Variants in ASIC2 observed in about 807,000 individuals in gnomAD.
ASIC2 encodes acid sensing ion channel subunit 2.
In ASIC2, 25 loss-of-function variants were observed where a neutral mutation model predicts 57.3. That is an observed-to-expected ratio of 0.44 (90% CI 0.32 to 0.61). ASIC2 has a LOEUF of 0.61. ASIC2 is among the 20% of genes least tolerant of loss of function. ASIC2 has a pLI of 0.06. For synonymous variants in ASIC2, 319 were observed against 307.5 expected (o/e 1.04, Z -0.39); for missense variants, 641 against 738.1 (o/e 0.87, Z 1.52).
At chr17:34,026,799 G>A (rs1907395210) in intron 1 of ASIC2, among the ~76,000 whole-genome samples, 1 of 152,146 alleles carries the variant, frequency 6.6e-6, no homozygotes, top group Non-Finnish European at 1.5e-5. Flanking sequence ...ACCTATTCAA[G>A]GCATACACTG....
intron 1 of ASIC2, among the ~76,000 whole-genome samples, chr17:33,396,101 G>T (rs1229765125): frequency 6.6e-6 from 1 of 152,156 alleles, no homozygotes; most frequent in Non-Finnish European, 1.5e-5. Flanking sequence ...CATAACCAGA[G>T]AAACTTAAAA....
intron 1 of ASIC2, among the ~76,000 whole-genome samples, chr17:33,584,032 C>T (rs1904532704): frequency 6.6e-6 from 1 of 152,090 alleles, no homozygotes; most frequent in African/African-American, 2.4e-5. Context: ...CTTTCCTGTG[C>T]CCTAGCCTTG....
chr17:33,811,524 G>A (rs1043247257), intron 1 of ASIC2, among the ~76,000 whole-genome samples: 6 of 152,122 alleles, frequency 3.9e-5, no homozygotes, highest in African/African-American at 4.8e-5. Flanking sequence ...CATGAATGCC[G>A]AGGACTTGCT....
intron 1 of ASIC2, among the ~76,000 whole-genome samples, chr17:33,755,142 G>A (rs1423469254): frequency 6.6e-6 from 1 of 152,038 alleles, no homozygotes; most frequent in Admixed American, 6.6e-5. Flanking sequence ...AGGAAGGCAG[G>A]GGGACATTTG....
intron 1 of ASIC2, chr17:34,038,791 T>C: frequency 6.2e-7 from 1 of 1,611,884 alleles, no homozygotes. Flanking sequence ...TTTTCCACTG[T>C]TTCTGCTCAT....
chr17:33,980,381 T>C (rs544492982), intron 1 of ASIC2, among the ~76,000 whole-genome samples: 1 of 152,224 alleles, frequency 6.6e-6, no homozygotes, highest in Non-Finnish European at 1.5e-5. Flanking sequence ...CAGATGAGCT[T>C]AGACACTTAG....
intron 1 of ASIC2, among the ~76,000 whole-genome samples, chr17:34,015,379 A>G (rs562409310): frequency 1.3e-5 from 2 of 152,334 alleles, no homozygotes; most frequent in South Asian, 4.1e-4. Flanking sequence ...TGAATTCCAC[A>G]GGAAATGCAA....
At chr17:33,265,613 T>C (rs1216221694) in intron 1 of ASIC2, among the ~76,000 whole-genome samples, 1 of 152,128 alleles carries the variant, frequency 6.6e-6, no homozygotes, top group Non-Finnish European at 1.5e-5. Flanking sequence ...GGCACATATT[T>C]ACCTATGTAA....
chr17:33,197,868 T>G (rs910619941), intron 1 of ASIC2, among the ~76,000 whole-genome samples: 2 of 152,176 alleles, frequency 1.3e-5, no homozygotes, highest in African/African-American at 4.8e-5. Flanking sequence ...AATGATAGAA[T>G]GTATTTAATT....
chr17:33,364,405 G>A (rs1032378920), intron 1 of ASIC2, among the ~76,000 whole-genome samples: 1 of 152,118 alleles, frequency 6.6e-6, no homozygotes, highest in Non-Finnish European at 1.5e-5. Context: ...ATTTTTCTTG[G>A]TGTCTGACAT....
At chr17:34,135,764 C>T (rs1343462553) in intron 1 of ASIC2, among the ~76,000 whole-genome samples, 1 of 152,064 alleles carries the variant, frequency 6.6e-6, no homozygotes, top group African/African-American at 2.4e-5. Flanking sequence ...CCACTAAAGG[C>T]AGGACTTGTA....
chr17:34,019,632 A>G (rs147808224), intron 1 of ASIC2, among the ~76,000 whole-genome samples: 288 of 152,356 alleles, frequency 1.9e-3, no homozygotes, highest in African/African-American at 6.7e-3. Flanking sequence ...TGTTTTATTT[A>G]GAAGTAATGC....
intron 1 of ASIC2, among the ~76,000 whole-genome samples, chr17:33,611,144 A>C (rs1156968848): frequency 6.6e-6 from 1 of 152,090 alleles, no homozygotes; most frequent in Non-Finnish European, 1.5e-5. Flanking sequence ...CTGCTTTCCC[A>C]ACTAGCCCTC....
rs919387904 is a variant in ASIC2 at position 33,940,548 on chromosome 17, TTTCC to T, written c.555+215426_555+215429del. On this transcript the variant is annotated intron_variant, in intron 1 of 9. Coordinates refer to the ASIC2 transcript ENST00000359872. ...CATCCATCCCTTCCTTCCTTCCTTC[TTTCC>T]TTCCTTCCTTCCTTCCTTACACATT... 2.2e-3 allele frequency among the ~76,000 whole-genome samples: 333 copies of T among 151,978 alleles called. 3 individuals carry two copies. The highest frequency in any genetic ancestry group is 7.6e-3 in the African/African-American group (313 of 41,450).
chr17:33,459,277 C>A (rs1314266122), intron 1 of ASIC2, among the ~76,000 whole-genome samples: 3 of 151,996 alleles, frequency 2.0e-5, no homozygotes, highest in Non-Finnish European at 4.4e-5. Flanking sequence ...GAGTATCTGG[C>A]CTGTTTGTCA....
chr17:33,718,720 G>A (rs577922067), intron 1 of ASIC2, among the ~76,000 whole-genome samples: 16 of 152,338 alleles, frequency 1.1e-4, no homozygotes, highest in African/African-American at 3.8e-4. Context: ...AGAGGTGGGA[G>A]GTGGGGGAGG....
chr17:33,058,477 A>AAAC (rs1304198717), intron 3 of ASIC2, among the ~76,000 whole-genome samples: 12 of 150,800 alleles, frequency 8.0e-5, no homozygotes, highest in African/African-American at 2.7e-4. Flanking sequence ...AGTCAAAAAA[A>AAAC]AAAAAAAAAA....
chr17:33,833,454 T>C (rs771024162), intron 1 of ASIC2, among the ~76,000 whole-genome samples: 14 of 152,114 alleles, frequency 9.2e-5, no homozygotes, highest in Non-Finnish European at 1.6e-4. Flanking sequence ...GGGGAGCAGA[T>C]AGTATACGCT....
At chr17:34,050,283 C>T (rs1233780115) in intron 1 of ASIC2, among the ~76,000 whole-genome samples, 1 of 152,114 alleles carries the variant, frequency 6.6e-6, no homozygotes, top group Non-Finnish European at 1.5e-5. Context: ...GGGCAGAAAA[C>T]GGAGCTATTT....
Sources: gnomAD v4.1 joint callset for allele counts (sites outside exome capture counted in the v4.1 genomes callset) on GRCh38, gnomAD v4.1.1 for gene constraint, MANE v1.5 for transcripts, NCBI Gene and HGNC (gene_info 2026-07-23, HGNC 2026-07-21) for gene names.